The following INVS variants were observed in gnomAD, a reference collection of about 807,000 sequenced individuals.
INVS encodes the protein inversin.
Under a neutral mutation model 108.8 loss-of-function variants are expected in INVS, and 86 were observed. That is an observed-to-expected ratio of 0.79 (90% CI 0.66 to 0.95). The LOEUF is 0.95. INVS is among the 40% of genes least tolerant of loss of function. The pLI is 0.00. For synonymous variants in INVS, 455 were observed against 473.5 expected (o/e 0.96, Z 0.51); for missense variants, 1,169 against 1,297.4 (o/e 0.90, Z 1.52).
chr9:100,142,744 G>T (rs569916567), intron 3 of INVS, among the ~76,000 whole-genome samples: 1 of 152,206 alleles, frequency 6.6e-6, no homozygotes, highest in South Asian at 2.1e-4. Flanking sequence ...TGATTTTTAG[G>T]GCCTTTAAAA....
intron 2 of INVS, among the ~76,000 whole-genome samples, chr9:100,107,734 C>A (rs1827223949): frequency 1.3e-5 from 2 of 152,130 alleles, no homozygotes; most frequent in South Asian, 4.1e-4. Context: ...CTTCATAGAA[C>A]TTGTTTCAGA....
intron 2 of INVS, among the ~76,000 whole-genome samples, chr9:100,113,845 C>G (rs1827422749): frequency 6.6e-6 from 1 of 152,208 alleles, no homozygotes; most frequent in East Asian, 1.9e-4. Flanking sequence ...CTAACTGTAC[C>G]CATTGACATT....
chr9:100,256,654 T>A (rs546026661), intron 10 of INVS, among the ~76,000 whole-genome samples: 1 of 152,364 alleles, frequency 6.6e-6, no homozygotes, highest in Admixed American at 6.5e-5. Context: ...TCTTTATTTC[T>A]GCCTTCATTT....
chr9:100,257,157 T>C (rs796556296), intron 10 of INVS, among the ~76,000 whole-genome samples: 35 of 152,322 alleles, frequency 2.3e-4, no homozygotes, highest in African/African-American at 7.9e-4. Context: ...CCTTTACCAT[T>C]ATATAATGGC....
At chr9:100,242,816 T>C (rs915831148) in intron 7 of INVS, 137 bp downstream of exon 7, 1 of 586,450 alleles carries the variant, frequency 1.7e-6, no homozygotes, top group African/African-American at 1.9e-5. Context: ...TGTTTTTATT[T>C]ATTTATTTAT....
chr9:100,221,621 G>T lies in INVS; in HGVS notation c.274-4441G>T, dbSNP rs145004252. Among the ~76,000 whole-genome samples the T allele has an allele frequency of 7.9e-3, 1,191 of 149,976 alleles. 21 individuals carry two copies. Among genetic ancestry groups the T allele is most frequent in the African/African-American group, 0.028 (1,129 of 40,166 alleles). ...CCAAGGTACCTGCTAAATTCCTATT[G>T]TCTATGCCTTTGTTGGTCCTATATC... On this transcript the variant is annotated intron_variant, in intron 3 of 16. Transcript: ENST00000262457.
intron 3 of INVS, among the ~76,000 whole-genome samples, chr9:100,157,467 C>T (rs1024351312): frequency 7.9e-5 from 12 of 151,816 alleles, no homozygotes; most frequent in Middle Eastern, 3.4e-3. Flanking sequence ...GGGGTTTCAC[C>T]GTGTTAGCCA....
chr9:100,171,250 C>G (rs1291441244), intron 3 of INVS, among the ~76,000 whole-genome samples: 1 of 152,090 alleles, frequency 6.6e-6, no homozygotes, highest in Non-Finnish European at 1.5e-5. Flanking sequence ...TGTATTTTTT[C>G]TATGTTTAGA....
At chr9:100,124,924 T>G (rs1431639092) in intron 2 of INVS, among the ~76,000 whole-genome samples, 1 of 152,232 alleles carries the variant, frequency 6.6e-6, no homozygotes. Context: ...CTCTTTCAAT[T>G]TTGTGGTTCA....
chr9:100,121,894 C>T (rs846756), intron 2 of INVS, among the ~76,000 whole-genome samples: 102,837 of 151,874 alleles, frequency 0.68, 36,023 homozygotes, highest in East Asian at 0.91. Flanking sequence ...CTTACAACAA[C>T]ATGTTTTTAT....
intron 13 of INVS, among the ~76,000 whole-genome samples, chr9:100,285,674 G>A (rs1036998581): frequency 2.6e-5 from 4 of 152,198 alleles, no homozygotes; most frequent in Non-Finnish European, 2.9e-5. Flanking sequence ...CACACAACAC[G>A]TTTAATTCCT....
intron 2 of INVS, among the ~76,000 whole-genome samples, chr9:100,116,107 CTTT>C (rs200846946): frequency 1.2e-4 from 15 of 128,708 alleles, no homozygotes; most frequent in Admixed American, 2.4e-4. Flanking sequence ...TCTTTTTTTT[CTTT>C]TTTTTTTTTT....
chr9:100,208,701 G>A (rs562007324), intron 3 of INVS, among the ~76,000 whole-genome samples: 2 of 152,304 alleles, frequency 1.3e-5, no homozygotes, highest in African/African-American at 4.8e-5. Context: ...GTTGCATTTA[G>A]CTTCTGAGTT....
At chr9:100,213,599 A>G (rs1047054882) in intron 3 of INVS, among the ~76,000 whole-genome samples, 2 of 152,144 alleles carry the variant, frequency 1.3e-5, no homozygotes, top group African/African-American at 4.8e-5. Flanking sequence ...TTAGTCTGTT[A>G]CTGTTTCATG....
intron 3 of INVS, among the ~76,000 whole-genome samples, chr9:100,150,044 G>A (rs192997581): frequency 2.5e-4 from 38 of 152,242 alleles, no homozygotes; most frequent in African/African-American, 9.1e-4. Flanking sequence ...TTCTGGCCTT[G>A]AGTAATTCCC....
chr9:100,203,136 A>G (rs749164989), intron 3 of INVS, among the ~76,000 whole-genome samples: 10 of 152,218 alleles, frequency 6.6e-5, no homozygotes, highest in African/African-American at 1.7e-4. Context: ...TTTAGCATCT[A>G]TAGTATTTGG....
intron 3 of INVS, among the ~76,000 whole-genome samples, chr9:100,138,101 T>C (rs1828289542): frequency 6.6e-6 from 1 of 152,180 alleles, no homozygotes; most frequent in Admixed American, 6.5e-5. Flanking sequence ...TTAACTTTCT[T>C]TTTAAAATAT....
At chr9:100,151,907 C>T (rs959611916) in intron 3 of INVS, among the ~76,000 whole-genome samples, 2 of 152,122 alleles carry the variant, frequency 1.3e-5, no homozygotes, top group Admixed American at 6.5e-5. Context: ...ATTTTAGCAA[C>T]AAAATACAGC....
chr9:100,105,850 C>CTTTTTTTTTTTTTTTTTTTTTTTTT (rs543070811), intron 2 of INVS, among the ~76,000 whole-genome samples: 2 of 63,834 alleles, frequency 3.1e-5, no homozygotes, highest in African/African-American at 5.8e-5. Context: ...GAAAAATTCC[C>CTTTTTTTTTTTTTTTTTTTTTTTTT]TTTTTTTTTT....
Sources: gnomAD v4.1 joint callset for allele counts (sites outside exome capture counted in the v4.1 genomes callset) on GRCh38, gnomAD v4.1.1 for gene constraint, MANE v1.5 for transcripts, NCBI Gene and HGNC (gene_info 2026-07-23, HGNC 2026-07-21) for gene names.